DGKQ: variants seen among roughly 807,000 people sequenced by gnomAD.
DGKQ encodes DAG kinase theta.
DGKQ carries 97 observed loss-of-function variants against 104.2 expected under a neutral mutation model. The ratio of observed to expected loss-of-function variants is 0.93; its 90% CI spans 0.79 to 1.10. The LOEUF is 1.10. Ranked by LOEUF, DGKQ falls within the 50% of genes least tolerant of loss-of-function variation. The pLI is 0.00. For synonymous variants in DGKQ, 736 were observed against 595.2 expected, an observed-to-expected ratio of 1.24 and a Z score of -3.44; for missense variants, 1,465 against 1,352.1, an observed-to-expected ratio of 1.08 and a Z score of -1.31.
At chr4:968,624 G>C (rs528348694) in intron 3 of DGKQ, 60 bp from the exon 4 acceptor site, 2 of 1,501,766 alleles carry the variant, frequency 1.3e-6, no homozygotes, top group African/African-American at 2.7e-5. Flanking sequence ...GCCTCTGCCG[G>C]TGCTTGGGTC....
Position 965,160 on chromosome 4 carries a change from T to G in DGKQ, c.1734+16A>C, listed in dbSNP as rs1403142764. The G allele has an allele frequency of 1.2e-6, 2 of 1,609,678 alleles. No individual in the cohort carries two copies. The highest frequency in any genetic ancestry group is 2.2e-5 in the South Asian group (2 of 91,032). Reference sequence around the variant, plus strand: ...CCCCTGGGGTGTGTGAAGAGCCGGCTTGACCGCACACTCACCAGCAGGTCG... The same window carrying G: ...CCCCTGGGGTGTGTGAAGAGCCGGCGTGACCGCACACTCACCAGCAGGTCG... On this transcript the variant is annotated intron_variant, in intron 15 of 22. Transcript: ENST00000273814.
chr4:965,662 C>T (rs1335400529), intron 13 of DGKQ, 133 bp from the exon 14 acceptor site: 8 of 1,042,536 alleles, frequency 7.7e-6, no homozygotes, highest in Non-Finnish European at 1.1e-5. Context: ...TACCCCTGCC[C>T]CACTCCAGGA....
At position 966,382 on chromosome 4, in the gene DGKQ, G is replaced by T. The variant is rs927655140; in HGVS notation, c.1428+84C>A. Reference sequence around the variant, plus strand: ...GCTGCCTAGCCAAGGAGAACTCGGCGTCTGGGGCACACCCACCCTGTGGGG... The same window carrying T: ...GCTGCCTAGCCAAGGAGAACTCGGCTTCTGGGGCACACCCACCCTGTGGGG... On this transcript the variant is annotated intron_variant, in intron 12 of 22. Transcript: ENST00000273814. 14 of 1,465,024 alleles carry T rather than the reference G, an allele frequency of 9.6e-6. No homozygotes were observed. In the African/African-American group the frequency reaches 1.5e-4, roughly 16 times the overall value. The allele number at this position is 1,465,024 out of a possible 1,614,324, so 90.8% of individuals were successfully genotyped here.
chr4:961,587 T>G lies in DGKQ; in HGVS notation c.2463-9A>C, dbSNP rs779875340. On this transcript the variant is annotated splice_polypyrimidine_tract_variant and intron_variant, in intron 20 of 22. Coordinates refer to ENST00000273814, the MANE Select transcript of DGKQ (RefSeq NM_001347.4). ...CGGCCCCCGAGCCCCAGCTGCCGCA[T>G]AAGAGAGCGGGCACAGAGGTGTAGG... 3.5e-5 allele frequency: 57 copies of G among 1,609,664 alleles called. No individual in the cohort carries two copies. Among genetic ancestry groups the G allele is most frequent in the Non-Finnish European group, 4.6e-5 (54 of 1,178,804 alleles).
intron 18 of DGKQ, 89 bp downstream of exon 18, chr4:962,346 G>C: frequency 7.5e-7 from 1 of 1,334,586 alleles, no homozygotes; most frequent in Non-Finnish European, 1.0e-6. Flanking sequence ...ACACCCGAGT[G>C]TGGCTGGGAA....
intron 1 of DGKQ, among the ~76,000 whole-genome samples, chr4:972,567 T>G (rs1434457876): frequency 6.8e-6 from 1 of 147,046 alleles, no homozygotes; most frequent in Non-Finnish European, 1.5e-5. Flanking sequence ...GGCTGGGCTG[T>G]GGTCCCCCTG....
At chr4:968,788 G>A (rs773996246) in intron 3 of DGKQ, 23 bp downstream of exon 3, 19 of 1,592,756 alleles carry the variant, frequency 1.2e-5, no homozygotes, top group South Asian at 2.2e-5. Flanking sequence ...CACTGGGTGG[G>A]GAGCCAGGCA....
At chr4:961,014 C>T in intron 22 of DGKQ, 35 bp downstream of exon 22, 8 of 1,607,884 alleles carry the variant, frequency 5.0e-6, no homozygotes, top group Non-Finnish European at 6.8e-6. Context: ...CAGCCCGGCC[C>T]ACCTCCCCTG....
In DGKQ at chr4:962,560, G is replaced by A; in HGVS notation, c.2089C>T (p.Pro697Ser). The change falls in exon 18 of 23, where the codon CCG becomes TCG. Residue 697 changes from proline to serine, a missense_variant. Physicochemically the swap from Pro to Ser is moderately conservative, Grantham distance 74. Transcript: ENST00000273814. ...TCCACAGACAGCAGTACGGAGAACG[G>A]GTCCTCGCCGCTGTAGCCCGCCCCC... The part of the protein sequence containing the change: ...RWGAGYSGED[P>S]FSVLLSVDEA... The A allele has an allele frequency of 6.2e-7, 1 of 1,610,066 alleles. No homozygotes were observed. Among genetic ancestry groups the A allele is most frequent in the East Asian group, 2.2e-5 (1 of 44,880 alleles).
Position 966,466 on chromosome 4 carries a change from C to T in DGKQ, c.1428G>A (p.Gln476=), listed in dbSNP as rs370297218. The T allele has an allele frequency of 6.8e-5, 109 of 1,612,286 alleles. No homozygotes were observed. The highest frequency in any genetic ancestry group is 2.7e-4 in the East Asian group (12 of 44,882). The stretch of plus-strand genomic sequence containing the variant: ...GGGGCCGGCGTCCACACCCACTCAC[C>T]TGCCGGATGTCCTGTAGCCGGTCCA... The part of the protein sequence containing the change: ...PLLDRLQDIR[Q]MSVRQVSQTR... The change falls in exon 12 of 23, where the codon CAG becomes CAA. Residue 476 remains glutamine (Q), a splice_region_variant and synonymous_variant. Coordinates refer to ENST00000273814, the MANE Select transcript of DGKQ (RefSeq NM_001347.4).
chr4:965,565 C>A, intron 13 of DGKQ, 36 bp from the exon 14 acceptor site: 1 of 1,607,410 alleles, frequency 6.2e-7, no homozygotes, highest in Non-Finnish European at 8.5e-7. Flanking sequence ...CGGTGGGAGG[C>A]GAAGGACACA....
intron 1 of DGKQ, among the ~76,000 whole-genome samples, chr4:972,505 C>G (rs1415104111): frequency 6.6e-6 from 1 of 152,202 alleles, no homozygotes; most frequent in Non-Finnish European, 1.5e-5. Flanking sequence ...GGCCAGGACA[C>G]AGTAAGTGTC....
chr4:962,596 C>A lies in DGKQ; in HGVS notation c.2053G>T (p.Val685Phe), dbSNP rs974374200. 2 of 1,608,538 alleles carry A rather than the reference C, an allele frequency of 1.2e-6. No homozygotes were observed. Among genetic ancestry groups the A allele is most frequent in the Admixed American group, 3.3e-5 (2 of 60,008 alleles). The change falls in exon 18 of 23, where the codon GTC (valine) becomes TTC (phenylalanine). Residue 685 changes from valine (V) to phenylalanine (F), a missense_variant. Physicochemically the swap from Val to Phe is conservative, Grantham distance 50. Transcript: ENST00000273814. ...CTGTAGCCCGCCCCCCAGCGGAGGA[C>A]TCGACCAAGGTCATTCCCTGGGACA... ...PLGTGNDLGR[V>F]LRWGAGYSGE...
At chr4:969,919 C>T (rs948571940) in intron 2 of DGKQ, among the ~76,000 whole-genome samples, 5 of 152,236 alleles carry the variant, frequency 3.3e-5, no homozygotes, top group Admixed American at 2.6e-4. Context: ...CCGTTAAATA[C>T]ATCTTCTAAA....
At position 960,381 on chromosome 4, in the gene DGKQ, T is replaced by A. The variant is rs113484716; in HGVS notation, c.*239A>T. The A allele has an allele frequency of 3.0e-4, 165 of 558,196 alleles. No individual in the cohort carries two copies. Among genetic ancestry groups the A allele is most frequent in the African/African-American group, 2.6e-3 (136 of 53,182 alleles). 34.6% of individuals were successfully genotyped at this position (558,196 alleles called of 1,614,324 possible). ...CCCTGCGCCCACCCGGGACACGGGG[T>A]AACACTGCCACCCGCACACCAGTCT... On this transcript the variant is annotated 3_prime_UTR_variant, in exon 23 of 23. Coordinates refer to ENST00000273814, the MANE Select transcript of DGKQ (RefSeq NM_001347.4).
At chr4:966,379 G>A (rs550920129) in intron 12 of DGKQ, 87 bp downstream of exon 12, 64 of 1,432,168 alleles carry the variant, frequency 4.5e-5, no homozygotes, top group Non-Finnish European at 6.0e-5. Context: ...AGGAGAACTC[G>A]GCGTCTGGGG....
intron 2 of DGKQ, among the ~76,000 whole-genome samples, chr4:969,638 C>G (rs575694636): frequency 7.1e-6 from 1 of 141,476 alleles, no homozygotes; most frequent in African/African-American, 2.6e-5. Flanking sequence ...GAGATGGAGT[C>G]TCGCTCTGTC....
In DGKQ at chr4:973,487, G is replaced by T. The variant is rs543863324; in HGVS notation, c.-5C>A. 170 of 984,916 alleles carry T rather than the reference G, an allele frequency of 1.7e-4. 1 individual carries two copies. The South Asian group carries it at 7.3e-3, about 43-fold the overall frequency. 61.0% of individuals were successfully genotyped at this position (984,916 alleles called of 1,614,324 possible). ...GGGCTCGGCCGCCGCCGCCATTCCCGGCCCGAGCGGCCCGAGCCCCTTTAG... is the reference window on the plus strand; with the variant it reads ...GGGCTCGGCCGCCGCCGCCATTCCCTGCCCGAGCGGCCCGAGCCCCTTTAG... On this transcript the variant is annotated 5_prime_UTR_variant, in exon 1 of 23. Coordinates refer to ENST00000273814, the MANE Select transcript of DGKQ (RefSeq NM_001347.4).
At position 960,279 on chromosome 4, in the gene DGKQ, CA is replaced by C. The variant is rs1711772825; in HGVS notation, c.*340del. 1.1e-5 allele frequency: 4 copies of C among 369,692 alleles called. No individual in the cohort carries two copies. The highest frequency in any genetic ancestry group is 2.0e-5 in the Non-Finnish European group (4 of 196,576). The allele number at this position is 369,692 out of a possible 1,614,324, so 22.9% of individuals were successfully genotyped here. A position where few individuals can be genotyped will look rare whatever the true frequency, so the allele number is the denominator to read the frequency against. ...CCAGCACTGTCCAGCTCAAGGGGCT[CA>C]GTGGGGAGAGGGATGGGTGCCCACC... On this transcript the variant is annotated 3_prime_UTR_variant, in exon 23 of 23. Transcript: ENST00000273814.
Sources: allele counts gnomAD v4.1 joint callset (sites outside exome capture counted in the v4.1 genomes callset), GRCh38; gene constraint gnomAD v4.1.1; transcripts MANE v1.5; gene names NCBI Gene and HGNC (gene_info 2026-07-23, HGNC 2026-07-21).